The following SPIDR variants were observed in gnomAD, a reference collection of about 807,000 sequenced individuals.
The protein encoded by SPIDR is scaffold protein involved in DNA repair.
In SPIDR, 93 loss-of-function variants were observed where a neutral mutation model predicts 104.6. The ratio of observed to expected loss-of-function variants is 0.89; its 90% confidence interval spans 0.75 to 1.06. The LOEUF (loss-of-function observed/expected upper bound fraction) is 1.06, where lower values mean the gene tolerates loss of function less well. Among genes scored for constraint, SPIDR ranks in the 50% least tolerant of loss-of-function variants. The pLI, the probability that SPIDR is intolerant of heterozygous loss-of-function variation, is 0.00. For missense variants in SPIDR, 1,154 were observed against 1,111.2 expected, an observed-to-expected ratio of 1.04 and a Z score of -0.55; for synonymous variants, 431 against 416.9, an observed-to-expected ratio of 1.03 and a Z score of -0.41.
At chr8:47,515,752 G>C (rs548029882) in intron 8 of SPIDR, among the ~76,000 whole-genome samples, 1 of 152,294 alleles carries the variant, frequency 6.6e-6, no homozygotes, top group South Asian at 2.1e-4. Flanking sequence ...GCTCTTCCTT[G>C]AGGCAGAAAT....
intron 8 of SPIDR, among the ~76,000 whole-genome samples, chr8:47,532,853 C>T (rs1382520487): frequency 6.6e-6 from 1 of 152,214 alleles, no homozygotes; most frequent in Non-Finnish European, 1.5e-5. Flanking sequence ...TCATGCAAAA[C>T]ATTCACCAAG....
chr8:47,434,891 A>G (rs1394137863), intron 7 of SPIDR, among the ~76,000 whole-genome samples: 1 of 152,244 alleles, frequency 6.6e-6, no homozygotes, highest in East Asian at 1.9e-4. Context: ...ACAACAACAA[A>G]AAAGGCATTT....
In SPIDR at chr8:47,342,300, A is replaced by G. The variant is rs538680299; in HGVS notation, c.525+48270A>G. Among the ~76,000 whole-genome samples the G allele has an allele frequency of 9.3e-5, 11 of 118,254 alleles. No homozygotes were observed. The East Asian group carries it at 2.7e-3, about 29-fold the overall frequency. The allele number at this position is 118,254 out of a possible 152,430, so 77.6% of individuals were successfully genotyped here. A position where few individuals can be genotyped will look rare whatever the true frequency, so the allele number is the denominator to read the frequency against. ...GCAGATTCTCTTCCTCATATTTCTC[A>G]CCCATCTTCTATTGTACTTTCAAAG... On this transcript the variant is annotated intron_variant, in intron 5 of 19. Transcript: ENST00000297423.
At chr8:47,623,828 G>C (rs562670755) in intron 10 of SPIDR, among the ~76,000 whole-genome samples, 2 of 152,112 alleles carry the variant, frequency 1.3e-5, no homozygotes, top group Admixed American at 1.3e-4. Context: ...ACAGATCAAC[G>C]AGACAGAAAG....
rs1489929792 is a variant in SPIDR, at chr8:47,280,033, A to T, written c.189+16A>T. On this transcript the variant is annotated intron_variant, in intron 2 of 19. Coordinates refer to ENST00000297423, the MANE Select transcript of SPIDR (RefSeq NM_001080394.4). The stretch of plus-strand genomic sequence containing the variant: ...TGGGAATCCGGTAAAGTATCTGTAG[A>T]ATTGTTTTCCCTGAATGCCAAAGAG... 4.4e-6 allele frequency: 7 copies of T among 1,607,296 alleles called. No individual in the cohort carries two copies. The highest frequency in any genetic ancestry group is 5.1e-6 in the Non-Finnish European group (6 of 1,176,220).
At chr8:47,713,803 C>T (rs543979505) in intron 16 of SPIDR, among the ~76,000 whole-genome samples, 162 bp downstream of exon 16, 3 of 152,198 alleles carry the variant, frequency 2.0e-5, no homozygotes, top group Admixed American at 6.5e-5. Context: ...GTATCAGACT[C>T]GAGTCTGCAC....
At chr8:47,683,820 A>G (rs1366126116) in intron 11 of SPIDR, among the ~76,000 whole-genome samples, 6 of 152,142 alleles carry the variant, frequency 3.9e-5, no homozygotes, top group Non-Finnish European at 5.9e-5. Context: ...AGCAGTTAGC[A>G]CAGTGTTCAA....
In SPIDR at chr8:47,364,651, C is replaced by T. The variant is rs1203680511; in HGVS notation, c.526-31725C>T. Reference sequence around the variant, plus strand: ...ATGTTCATTTGGTTTCTTTCAGTTGCAGCAAATCTTACTATGATTTGAGGT... The same window carrying T: ...ATGTTCATTTGGTTTCTTTCAGTTGTAGCAAATCTTACTATGATTTGAGGT... On this transcript the variant is annotated intron_variant, in intron 5 of 19. Coordinates refer to ENST00000297423, the MANE Select transcript of SPIDR (RefSeq NM_001080394.4). 2.0e-5 allele frequency among the ~76,000 whole-genome samples: 3 copies of T among 152,136 alleles called. 1 individual carries two copies. Among genetic ancestry groups the T allele is most frequent in the Non-Finnish European group, 4.4e-5 (3 of 68,034 alleles).
At chr8:47,303,590 C>G (rs1190759023) in intron 5 of SPIDR, among the ~76,000 whole-genome samples, 2 of 152,194 alleles carry the variant, frequency 1.3e-5, no homozygotes, top group Non-Finnish European at 2.9e-5. Context: ...TTGGCTCCAC[C>G]CCTTTCCATA....
intron 8 of SPIDR, among the ~76,000 whole-genome samples, chr8:47,493,109 A>G (rs1007555405): frequency 5.3e-5 from 8 of 151,584 alleles, no homozygotes; most frequent in Non-Finnish European, 7.4e-5. Flanking sequence ...AGCACCTGTC[A>G]TATTCTGCTA....
At chr8:47,269,398 G>T (rs2034797802) in intron 1 of SPIDR, among the ~76,000 whole-genome samples, 1 of 151,572 alleles carries the variant, frequency 6.6e-6, no homozygotes, top group Non-Finnish European at 1.5e-5. Context: ...GTTGGGATTA[G>T]AGGCGTGTGC....
At chr8:47,443,121 T>C (rs1206943489) in intron 8 of SPIDR, among the ~76,000 whole-genome samples, 4 of 152,162 alleles carry the variant, frequency 2.6e-5, no homozygotes, top group Admixed American at 6.5e-5. Context: ...TCCCACTGAC[T>C]CCTTAGACTT....
chr8:47,547,202 C>A (rs1339450925), intron 8 of SPIDR: 1 of 648,146 alleles, frequency 1.5e-6, no homozygotes, highest in African/African-American at 1.8e-5. Context: ...TTTGTGCCCA[C>A]GAAGATTTTT....
At chr8:47,580,314 TATA>T (rs1011895160) in intron 8 of SPIDR, among the ~76,000 whole-genome samples, 2 of 152,224 alleles carry the variant, frequency 1.3e-5, no homozygotes, top group African/African-American at 4.8e-5. Context: ...TTGCTGAAGG[TATA>T]ATTCACAGTA....
At chr8:47,378,845 G>A (rs2058992265) in intron 5 of SPIDR, among the ~76,000 whole-genome samples, 1 of 152,252 alleles carries the variant, frequency 6.6e-6, no homozygotes, top group Admixed American at 6.5e-5. Context: ...CTGGGACTCT[G>A]AAATAATTGC....
At chr8:47,346,043 G>A (rs1554617776) in intron 5 of SPIDR, among the ~76,000 whole-genome samples, 1 of 152,184 alleles carries the variant, frequency 6.6e-6, no homozygotes, top group African/African-American at 2.4e-5. Flanking sequence ...TCTTGTGCCA[G>A]TTTTCAAAGG....
intron 5 of SPIDR, among the ~76,000 whole-genome samples, chr8:47,297,508 C>A (rs963875196): frequency 1.1e-4 from 17 of 151,798 alleles, no homozygotes; most frequent in African/African-American, 3.4e-4. Context: ...GCAAAACGTG[C>A]AGGTTTGTTA....
intron 8 of SPIDR, among the ~76,000 whole-genome samples, chr8:47,464,902 G>A (rs1361459103): frequency 6.6e-6 from 1 of 152,012 alleles, no homozygotes; most frequent in Non-Finnish European, 1.5e-5. Flanking sequence ...CCAAGTAGCT[G>A]GGACTAGAGG....
At position 47,471,372 on chromosome 8, in the gene SPIDR, A is replaced by G. The variant is rs543001032; in HGVS notation, c.1097+30830A>G. Reference sequence around the variant, plus strand: ...CCAGTTCAAAAATGAGCAAAGGACTATAATGGACATTTATCCAAAAAAGAT... The same window carrying G: ...CCAGTTCAAAAATGAGCAAAGGACTGTAATGGACATTTATCCAAAAAAGAT... On this transcript the variant is annotated intron_variant, in intron 8 of 19. Coordinates refer to ENST00000297423, the MANE Select transcript of SPIDR (RefSeq NM_001080394.4). 1.3e-4 allele frequency among the ~76,000 whole-genome samples: 19 copies of G among 151,694 alleles called. No homozygotes were observed. The South Asian group carries it at 2.5e-3, about 20-fold the overall frequency.
Sources: gnomAD v4.1 joint callset for allele counts (sites outside exome capture counted in the v4.1 genomes callset) on GRCh38, gnomAD v4.1.1 for gene constraint, MANE v1.5 for transcripts, NCBI Gene and HGNC (gene_info 2026-07-23, HGNC 2026-07-21) for gene names.